The following ECE1 variants were observed in gnomAD, a reference collection of about 807,000 sequenced individuals.
ECE1 encodes the protein endothelin-converting enzyme 1.
Under a neutral mutation model 98.6 loss-of-function variants are expected in ECE1, and 35 were observed. The observed-to-expected ratio is 0.35, with a 90% confidence interval of 0.27 to 0.47. The LOEUF (loss-of-function observed/expected upper bound fraction) is 0.47. Among genes scored for constraint, ECE1 ranks in the 20% least tolerant of loss-of-function variants. The pLI, the probability that ECE1 is intolerant of heterozygous loss-of-function variation, is 1.00. For synonymous variants in ECE1, 394 were observed against 407.1 expected, an observed-to-expected ratio of 0.97 and a Z score of 0.39; for missense variants, 814 against 1,025.3, an observed-to-expected ratio of 0.79 and a Z score of 2.81.
At chr1:21,249,619 C>T (rs1023615591) in intron 8 of ECE1, among the ~76,000 whole-genome samples, 23 of 152,084 alleles carry the variant, frequency 1.5e-4, no homozygotes, top group African/African-American at 5.3e-4. Context: ...GAGGTCGAGG[C>T]TGCAGTGAGC....
At chr1:21,300,031 A>C (rs1246485912) in intron 1 of ECE1, among the ~76,000 whole-genome samples, 3 of 152,226 alleles carry the variant, frequency 2.0e-5, no homozygotes, top group African/African-American at 7.2e-5. Flanking sequence ...CAGGGGTTCT[A>C]AGGAATGGAG....
chr1:21,290,010 G>A lies in ECE1; in HGVS notation c.138+60C>T. 2 of 1,267,836 alleles carry A rather than the reference G, an allele frequency of 1.6e-6. No individual in the cohort carries two copies. Among genetic ancestry groups the A allele is most frequent in the South Asian group, 2.5e-5 (1 of 39,660 alleles). The allele number at this position is 1,267,836 out of a possible 1,614,324, so 78.5% of individuals were successfully genotyped here. On this transcript the variant is annotated intron_variant, in intron 2 of 18. Coordinates refer to ENST00000374893, the MANE Select transcript of ECE1 (RefSeq NM_001397.3). The surrounding 1 kb of genome is among the most constrained non-coding windows in gnomAD (Gnocchi z 7.3). ...GGTAGGGGCGGGGGGCGCGGCAGCG[G>A]CAGCGCGCATGCCCGGGCCCGGGGC...
At chr1:21,273,556 T>C (rs1401430762) in intron 3 of ECE1, among the ~76,000 whole-genome samples, 2 of 152,124 alleles carry the variant, frequency 1.3e-5, no homozygotes, top group African/African-American at 4.8e-5. Flanking sequence ...GTAGACAGTA[T>C]GGATGACAGG....
At chr1:21,306,488 C>A (rs980756808) in intron 1 of ECE1, among the ~76,000 whole-genome samples, 1 of 152,082 alleles carries the variant, frequency 6.6e-6, no homozygotes, top group African/African-American at 2.4e-5. Flanking sequence ...AGGTGCCCAC[C>A]ACCACGCCTG....
chr1:21,233,996 T>C lies in ECE1; in HGVS notation c.1567-335A>G, dbSNP rs28368027. On this transcript the variant is annotated intron_variant, in intron 13 of 18. Coordinates refer to ENST00000374893, the MANE Select transcript of ECE1 (RefSeq NM_001397.3). The surrounding 1 kb of genome is among the most constrained non-coding windows in gnomAD (Gnocchi z 4.0). ...GACTACTAAGCATTTCTTTCTTTCTTTTTTTTTTGAGACGGGAATCTTGAT... is the reference window on the plus strand; with the variant it reads ...GACTACTAAGCATTTCTTTCTTTCTCTTTTTTTTGAGACGGGAATCTTGAT... Among the ~76,000 whole-genome samples, 974 of 151,374 alleles carry C rather than the reference T, an allele frequency of 6.4e-3. 12 individuals carry two copies. Among genetic ancestry groups the C allele is most frequent in the African/African-American group, 0.023 (936 of 41,324 alleles).
At chr1:21,330,710 T>A (rs1476409209) in intron 1 of ECE1, among the ~76,000 whole-genome samples, 1 of 152,162 alleles carries the variant, frequency 6.6e-6, no homozygotes, top group Non-Finnish European at 1.5e-5. Flanking sequence ...CTCTCCCCAT[T>A]AAATGCTTCC....
In ECE1 at chr1:21,290,382, G is replaced by A. The variant is rs2098265428; in HGVS notation, c.33C>T (p.Ala11=). Residue 11 remains alanine (A), a synonymous_variant, in exon 1 of 19, where the codon GCC becomes GCT. Coordinates refer to ENST00000374893, the MANE Select transcript of ECE1 (RefSeq NM_001397.3). This position sits in a 1 kb window ranked among gnomAD's most constrained non-coding sequence, Gnocchi z 7.3. The stretch of plus-strand genomic sequence containing the variant: ...GCCTCACCCCCAGCGCCGACAGCAG[G>A]GCGGACACCGGGGGCGGCCACACGC... MRGVWPPPVS[A]LLSALGMSTY... is the part of the protein sequence containing the mutation. 3 of 1,236,750 alleles carry A rather than the reference G, an allele frequency of 2.4e-6. No individual in the cohort carries two copies. Among genetic ancestry groups the A allele is most frequent in the African/African-American group, 3.1e-5 (2 of 64,212 alleles). 76.6% of individuals were successfully genotyped at this position (1,236,750 alleles called of 1,614,324 possible).
In ECE1 at chr1:21,345,296, CG is replaced by C; in HGVS notation, c.3+79del. 1.5e-6 allele frequency: 2 copies of C among 1,313,064 alleles called. No individual in the cohort carries two copies. The highest frequency in any genetic ancestry group is 2.0e-6 in the Non-Finnish European group (2 of 1,023,908). The allele number at this position is 1,313,064 out of a possible 1,614,324, so 81.3% of individuals were successfully genotyped here. The stretch of plus-strand genomic sequence containing the variant: ...AGCCCCCCGCGAGCCAGGGCGGCCC[CG>C]GGTGCCACCCGCGGCACCGCTGCCC... On this transcript the variant is annotated intron_variant, in intron 1 of 18. Coordinates refer to the ECE1 transcript ENST00000415912. The surrounding 1 kb of genome is among the most constrained non-coding windows in gnomAD (Gnocchi z 5.1).
At chr1:21,288,107 A>G (rs2098262623) in intron 2 of ECE1, among the ~76,000 whole-genome samples, 1 of 152,234 alleles carries the variant, frequency 6.6e-6, no homozygotes, top group South Asian at 2.1e-4. Flanking sequence ...CACACAAGCC[A>G]AGCTGGGTAC....
Position 21,255,962 on chromosome 1 carries a change from C to T in ECE1, c.1005G>A (p.Thr335=), listed in dbSNP as rs200219663. 71 of 1,613,994 alleles carry T rather than the reference C, an allele frequency of 4.4e-5. No individual in the cohort carries two copies. The highest frequency in any genetic ancestry group is 3.3e-4 in the Middle Eastern group (2 of 6,084). ...CTCAAGTTACCTGCAGCTCGGCTGCCGTCACTTTGTGGTAGATGAGCTCCT... is the reference window on the plus strand; with the variant it reads ...CTCAAGTTACCTGCAGCTCGGCTGCTGTCACTTTGTGGTAGATGAGCTCCT... The part of the protein sequence containing the change: ...RDEELIYHKV[T]AAELQTLAPA... The change falls in exon 8 of 19, where the codon ACG becomes ACA. Residue 335 remains threonine (T), a synonymous_variant. Coordinates refer to ENST00000374893, the MANE Select transcript of ECE1 (RefSeq NM_001397.3).
Position 21,233,448 on chromosome 1 carries a change from G to A in ECE1, c.1670+110C>T, listed in dbSNP as rs7530498. On this transcript the variant is annotated intron_variant, in intron 14 of 18. Transcript: ENST00000374893. This position sits in a 1 kb window ranked among gnomAD's most constrained non-coding sequence, Gnocchi z 4.0. ...GGCATCCACTCTTCAGACGGCTCTC[G>A]TGATAGCTGATCGGGTGCACAGTGA... 3 of 963,896 alleles carry A rather than the reference G, an allele frequency of 3.1e-6. No individual in the cohort carries two copies. The highest frequency in any genetic ancestry group is 4.2e-5 in the Admixed American group (2 of 47,656). 59.7% of individuals were successfully genotyped at this position (963,896 alleles called of 1,614,324 possible). A position where few individuals can be genotyped will look rare whatever the true frequency, so the allele number is the denominator to read the frequency against.
intron 1 of ECE1, among the ~76,000 whole-genome samples, chr1:21,318,920 A>G (rs955450339): frequency 1.1e-4 from 17 of 152,230 alleles, no homozygotes; most frequent in African/African-American, 3.9e-4. Context: ...CAGCAGAGGC[A>G]GATGCGAAGG....
chr1:21,278,784 C>T (rs1359682947), intron 3 of ECE1, among the ~76,000 whole-genome samples: 2 of 152,170 alleles, frequency 1.3e-5, no homozygotes, highest in Admixed American at 1.3e-4. Context: ...AATTACCCCA[C>T]ATTCTAGCAA....
At chr1:21,329,657 ACCAGGAAATGCTT>A (rs1639153380) in intron 1 of ECE1, among the ~76,000 whole-genome samples, 3 of 152,306 alleles carry the variant, frequency 2.0e-5, no homozygotes, top group Admixed American at 2.0e-4. Context: ...GGAAAAACAA[ACCAGGAAATGCTT>A]CTCTGTCTGT....
chr1:21,236,079 C>T (rs2098187624), intron 12 of ECE1, 152 bp from the exon 13 acceptor site: 3 of 774,256 alleles, frequency 3.9e-6, no homozygotes, highest in Non-Finnish European at 6.9e-6. Flanking sequence ...GGAAAGGTTT[C>T]CCCCTTGCAA....
intron 1 of ECE1, among the ~76,000 whole-genome samples, chr1:21,343,306 G>A (rs1224802184): frequency 6.6e-6 from 1 of 152,122 alleles, no homozygotes; most frequent in Non-Finnish European, 1.5e-5. Flanking sequence ...TGTTCAACAC[G>A]TCCTGGCTAA....
In ECE1 at chr1:21,331,613, T is replaced by C. The variant is rs1468259903; in HGVS notation, c.3+13763A>G. ...GCTAAAAAAAAGAAAAAAAAAAGCA[T>C]AGACTCTGTAGCCAAAACTGCCCAG... On this transcript the variant is annotated intron_variant, in intron 1 of 18. Coordinates refer to the ECE1 transcript ENST00000415912. Among the ~76,000 whole-genome samples, 13 of 151,412 alleles carry C rather than the reference T, an allele frequency of 8.6e-5. No individual in the cohort carries two copies. In the East Asian group the frequency reaches 2.5e-3, roughly 30 times the overall value.
rs770607263 is a variant in ECE1 at position 21,247,285 on chromosome 1, T to C, written c.1099A>G (p.Ile367Val). The C allele has an allele frequency of 3.7e-6, 6 of 1,614,142 alleles. No individual in the cohort carries two copies. The highest frequency in any genetic ancestry group is 1.1e-5 in the South Asian group (1 of 91,078). ...AGGTATTCCTTGTCATAGACCACAA[T>C]AGGCTCGGATTCATTGATCTCCACG... ...YPVEINESEP[I>V]VVYDKEYLEQ... Residue 367 changes from isoleucine (I) to valine (V), a missense_variant, in exon 9 of 19, where the codon ATT becomes GTT. Coordinates refer to ENST00000374893, the MANE Select transcript of ECE1 (RefSeq NM_001397.3).
intron 1 of ECE1, among the ~76,000 whole-genome samples, chr1:21,305,175 G>A (rs1041019478): frequency 1.3e-5 from 2 of 152,140 alleles, no homozygotes; most frequent in South Asian, 4.1e-4. Flanking sequence ...ACATAGGCTC[G>A]ACAGCATAGA....
Sources: gnomAD v4.1 joint callset for allele counts (sites outside exome capture counted in the v4.1 genomes callset) on GRCh38, gnomAD v4.1.1 for gene constraint, Gnocchi (gnomAD v3.1) non-coding constraint, MANE v1.5 for transcripts, NCBI Gene and HGNC (gene_info 2026-07-23, HGNC 2026-07-21) for gene names.